The following PTPRZ1 variants were observed in gnomAD, a reference collection of about 807,000 sequenced individuals.
The protein encoded by PTPRZ1 is receptor-type tyrosine-protein phosphatase zeta.
Under a neutral mutation model 214.1 loss-of-function variants are expected in PTPRZ1, and 82 were observed. The observed-to-expected ratio is 0.38, with a 90% CI of 0.32 to 0.46. The LOEUF (loss-of-function observed/expected upper bound fraction) is 0.46, where lower values mean the gene tolerates loss of function less well. Among genes scored for constraint, PTPRZ1 ranks in the 20% least tolerant of loss-of-function variants. The pLI is 1.00. For missense variants in PTPRZ1, 2,603 were observed against 2,748.7 expected (o/e 0.95, Z 1.19); for synonymous variants, 945 against 987.9 (o/e 0.96, Z 0.81).
At position 122,013,589 on chromosome 7, in the gene PTPRZ1, C is replaced by T; in HGVS notation, c.4543C>T (p.His1515Tyr). The T allele has an allele frequency of 6.2e-7, 1 of 1,614,156 alleles. No individual in the cohort carries two copies. Among genetic ancestry groups the T allele is most frequent in the South Asian group, 1.1e-5 (1 of 91,080 alleles). ...SPSANGLSQK[H>Y]NDGKEENDIQ... ...ATCAGCAAATGGGCTATCCCAAAAGCACAATGATGGAAAAGAGGAAAATGA... is the reference window on the plus strand; with the variant it reads ...ATCAGCAAATGGGCTATCCCAAAAGTACAATGATGGAAAAGAGGAAAATGA... The change falls in exon 12 of 30, where the codon CAC becomes TAC. Residue 1515 changes from histidine to tyrosine, a missense_variant. His to Tyr is a moderately conservative substitution (Grantham distance 83, BLOSUM62 2). This residue lies in a region of PTPRZ1 where 1,913 missense variants were observed against 1,914.3 expected (regional missense o/e 1.00). Transcript: ENST00000393386.
At chr7:121,929,427 T>G (rs1795857776) in intron 2 of PTPRZ1, among the ~76,000 whole-genome samples, 1 of 151,720 alleles carries the variant, frequency 6.6e-6, no homozygotes, top group African/African-American at 2.4e-5. Flanking sequence ...CAATGACAGA[T>G]GAATTGACAG....
In PTPRZ1 at chr7:121,985,613, T is replaced by TTA. The variant is rs1797743181; in HGVS notation, c.928+1496_928+1497insTA. 2.0e-5 allele frequency among the ~76,000 whole-genome samples: 3 copies of TTA among 152,344 alleles called. No individual in the cohort carries two copies. The South Asian group carries it at 6.2e-4, about 32-fold the overall frequency. ...ATTGATGGCATATTCCTCTCCACTG[T>TTA]CTTCATTTCCCTGCCTCCTCATTCT... On this transcript the variant is annotated intron_variant, in intron 8 of 29. Transcript: ENST00000393386.
intron 29 of PTPRZ1, 149 bp from the exon 30 acceptor site, chr7:122,060,931 T>C: frequency 1.8e-6 from 1 of 560,620 alleles, no homozygotes; most frequent in Non-Finnish European, 2.8e-6. Flanking sequence ...TCAGTATAGG[T>C]TGTGTGCATC....
At chr7:121,932,208 A>C (rs1795946135) in intron 2 of PTPRZ1, among the ~76,000 whole-genome samples, 1 of 152,218 alleles carries the variant, frequency 6.6e-6, no homozygotes, top group African/African-American at 2.4e-5. Flanking sequence ...CTTTATCCAA[A>C]TAAATGTATT....
chr7:121,874,737 T>C (rs777098990), intron 1 of PTPRZ1, among the ~76,000 whole-genome samples: 6 of 152,180 alleles, frequency 3.9e-5, no homozygotes, highest in African/African-American at 1.4e-4. Flanking sequence ...AAAGGCTTTA[T>C]GAAAGTGCTT....
Position 122,011,243 on chromosome 7 carries a change from AGAC to A in PTPRZ1, c.2198_2200del (p.Arg733_Gln734delinsLys), listed in dbSNP as rs1562860610. On this transcript the variant is annotated inframe_deletion, in exon 12 of 30. Coordinates refer to ENST00000393386, the MANE Select transcript of PTPRZ1 (RefSeq NM_002851.3). ...ACCTCATGCTTTTACCCCATCCTCCAGACAACAGGATTTGGTCTCCACGGTCAA... is the reference window on the plus strand; with the variant it reads ...ACCTCATGCTTTTACCCCATCCTCCAAACAGGATTTGGTCTCCACGGTCAA... 6.2e-7 allele frequency: 1 copy of A among 1,613,900 alleles called. No homozygotes were observed. The highest frequency in any genetic ancestry group is 8.5e-7 in the Non-Finnish European group (1 of 1,179,964).
At chr7:121,906,417 A>G (rs1355589595) in intron 1 of PTPRZ1, among the ~76,000 whole-genome samples, 1 of 152,182 alleles carries the variant, frequency 6.6e-6, no homozygotes, top group African/African-American at 2.4e-5. Flanking sequence ...CTTCTTACTA[A>G]TGTACTAAAG....
chr7:121,977,874 A>T (rs1447265108), intron 6 of PTPRZ1, among the ~76,000 whole-genome samples: 1 of 152,180 alleles, frequency 6.6e-6, no homozygotes, highest in African/African-American at 2.4e-5. Context: ...ACTTGTTTGA[A>T]TTCCTATACT....
intron 2 of PTPRZ1, among the ~76,000 whole-genome samples, chr7:121,930,814 GA>G (rs757926019): frequency 6.6e-6 from 1 of 151,828 alleles, no homozygotes; most frequent in Non-Finnish European, 1.5e-5. Flanking sequence ...CTTTTCCTAC[GA>G]AAGAGAAATC....
At position 122,039,171 on chromosome 7, in the gene PTPRZ1, G is replaced by T. The variant is rs1276746820; in HGVS notation, c.5502+282G>T. ...GAGTGAAATCGATTTTAATTCACAG[G>T]ACATGGATTTTAGTCTTGGCTCTGT... On this transcript the variant is annotated intron_variant, in intron 19 of 29. Coordinates refer to ENST00000393386, the MANE Select transcript of PTPRZ1 (RefSeq NM_002851.3). 2.0e-5 allele frequency among the ~76,000 whole-genome samples: 3 copies of T among 152,124 alleles called. No homozygotes were observed. The East Asian group carries it at 5.8e-4, about 29-fold the overall frequency.
At chr7:121,985,571 G>T (rs1354130412) in intron 8 of PTPRZ1, among the ~76,000 whole-genome samples, 1 of 152,176 alleles carries the variant, frequency 6.6e-6, no homozygotes, top group Non-Finnish European at 1.5e-5. Flanking sequence ...GGTTGCATTT[G>T]TACATTTGGC....
intron 17 of PTPRZ1, among the ~76,000 whole-genome samples, chr7:122,035,145 T>A (rs972464853): frequency 3.9e-5 from 6 of 152,254 alleles, no homozygotes; most frequent in South Asian, 4.1e-4. Flanking sequence ...GTGTGGCCCT[T>A]CCTGGCTTCA....
At chr7:121,978,356 GAGTA>G (rs1255069872) in intron 6 of PTPRZ1, among the ~76,000 whole-genome samples, 1 of 152,150 alleles carries the variant, frequency 6.6e-6, no homozygotes, top group African/African-American at 2.4e-5. Flanking sequence ...TTCACACTGA[GAGTA>G]AGTGATGTGT....
Position 122,051,484 on chromosome 7 carries a change from C to T in PTPRZ1, c.6141C>T (p.Cys2047=). 6.2e-7 allele frequency: 1 copy of T among 1,613,614 alleles called. No homozygotes were observed. Among genetic ancestry groups the T allele is most frequent in the Non-Finnish European group, 8.5e-7 (1 of 1,179,686 alleles). ...QSDYSAALKQ[C]NREKNRTSSI... ...ACTATTCTGCAGCCCTAAAGCAATG[C>T]AACAGGGAAAAGAATCGAACTTCTT... The change falls in exon 24 of 30, where the codon TGC becomes TGT. Residue 2047 remains cysteine (C), a synonymous_variant. Transcript: ENST00000393386.
At chr7:122,015,453 C>G (rs1212827314) in intron 12 of PTPRZ1, among the ~76,000 whole-genome samples, 1 of 152,002 alleles carries the variant, frequency 6.6e-6, no homozygotes, top group African/African-American at 2.4e-5. Flanking sequence ...TTTCTGTATT[C>G]TGAATTGATA....
chr7:122,028,756 T>C (rs1799283249), intron 14 of PTPRZ1, 113 bp downstream of exon 14: 2 of 750,570 alleles, frequency 2.7e-6, no homozygotes, highest in African/African-American at 1.8e-5. Context: ...TGTAGATTAG[T>C]AAATTTTTGT....
At chr7:122,030,066 A>C (rs1006187578) in intron 14 of PTPRZ1, among the ~76,000 whole-genome samples, 8 of 151,884 alleles carry the variant, frequency 5.3e-5, no homozygotes, top group African/African-American at 1.7e-4. Flanking sequence ...ATTTTATCCA[A>C]AGTCCAACAT....
intron 6 of PTPRZ1, among the ~76,000 whole-genome samples, chr7:121,978,852 G>A (rs995381506): frequency 1.4e-4 from 21 of 151,998 alleles, no homozygotes; most frequent in Non-Finnish European, 2.1e-4. Context: ...AAAGTCAAAC[G>A]TTTCCATTTT....
intron 2 of PTPRZ1, among the ~76,000 whole-genome samples, chr7:121,957,410 G>C (rs1445474553): frequency 6.6e-6 from 1 of 152,010 alleles, no homozygotes; most frequent in Non-Finnish European, 1.5e-5. Flanking sequence ...GTCTGTCCAG[G>C]GGTCATTCTC....
Sources: gnomAD v4.1 joint callset for allele counts (sites outside exome capture counted in the v4.1 genomes callset) on GRCh38, gnomAD v4.1.1 for gene constraint, gnomAD v4.1.1 regional missense constraint, MANE v1.5 for transcripts, NCBI Gene and HGNC (gene_info 2026-07-23, HGNC 2026-07-21) for gene names.